EHBP1: variants seen among roughly 807,000 people sequenced by gnomAD.
EHBP1 encodes the protein EH domain binding protein 1.
Under a neutral mutation model 144.0 loss-of-function variants are expected in EHBP1, and 55 were observed. The observed-to-expected ratio is 0.38, with a 90% CI of 0.31 to 0.48. The LOEUF is 0.48. EHBP1 is among the 20% of genes least tolerant of loss of function. The probability of loss-of-function intolerance (pLI) is 0.98; values close to 1 mark genes in which losing one functional copy is unlikely to be tolerated. For synonymous variants in EHBP1, 469 were observed against 472.7 expected (o/e 0.99, Z 0.10); for missense variants, 1,200 against 1,364.2 (o/e 0.88, Z 1.90).
chr2:62,975,736 A>G (rs2058679627), intron 14 of EHBP1, among the ~76,000 whole-genome samples: 1 of 152,026 alleles, frequency 6.6e-6, no homozygotes, highest in Non-Finnish European at 1.5e-5. Context: ...TTAAAAAGAA[A>G]AAAAAATTTT....
intron 14 of EHBP1, among the ~76,000 whole-genome samples, chr2:62,967,039 A>G (rs1230533280): frequency 6.6e-6 from 1 of 152,212 alleles, no homozygotes; most frequent in Non-Finnish European, 1.5e-5. Flanking sequence ...ATGCAGAATC[A>G]TAATTATGCC....
chr2:62,780,619 G>C (rs181435916), intron 5 of EHBP1, among the ~76,000 whole-genome samples: 1 of 152,028 alleles, frequency 6.6e-6, no homozygotes. Flanking sequence ...AGAAACTTTT[G>C]TTGCACTTAA....
At chr2:62,719,881 C>T (rs2151917271) in intron 2 of EHBP1, among the ~76,000 whole-genome samples, 1 of 152,148 alleles carries the variant, frequency 6.6e-6, no homozygotes, top group East Asian at 1.9e-4. Flanking sequence ...ACCAATCCTC[C>T]ACTGATACTA....
chr2:62,691,835 T>C (rs1051335933), intron 1 of EHBP1, among the ~76,000 whole-genome samples: 1 of 152,230 alleles, frequency 6.6e-6, no homozygotes, highest in Admixed American at 6.5e-5. Context: ...ATATTCAGTT[T>C]TCTTGTGACT....
In EHBP1 at chr2:62,943,376, CAAAAAAAAAAAAAAA is replaced by C. The variant is rs11306610; in HGVS notation, c.1365-416_1365-402del. ...GGGCAACAAGAGCGAAACTCCGTCT[CAAAAAAAAAAAAAAA>C]AAAAAAAAATGGTTTTTCTCCTTAA... is the stretch of plus-strand genomic sequence containing the variant. On this transcript the variant is annotated intron_variant, in intron 11 of 22. Transcript: ENST00000431489. Among the ~76,000 whole-genome samples the C allele has an allele frequency of 1.0e-4, 9 of 87,848 alleles. No individual in the cohort carries two copies. In the South Asian group the frequency reaches 4.1e-3, roughly 40 times the overall value. The allele number at this position is 87,848 out of a possible 152,430, so 57.6% of individuals were successfully genotyped here. A position where few individuals can be genotyped will look rare whatever the true frequency, so the allele number is the denominator to read the frequency against.
chr2:62,974,198 T>C (rs1433037658), intron 14 of EHBP1, among the ~76,000 whole-genome samples: 2 of 152,076 alleles, frequency 1.3e-5, no homozygotes, highest in African/African-American at 4.8e-5. Flanking sequence ...CAATATACAC[T>C]TCAGGAAGCA....
intron 2 of EHBP1, among the ~76,000 whole-genome samples, chr2:62,745,743 G>A (rs1034363235): frequency 2.0e-5 from 3 of 152,024 alleles, no homozygotes; most frequent in Non-Finnish European, 4.4e-5. Flanking sequence ...AGCTGGTCAG[G>A]TGTGAAGCAG....
intron 5 of EHBP1, among the ~76,000 whole-genome samples, chr2:62,808,776 A>G (rs1300976982): frequency 6.6e-6 from 1 of 152,162 alleles, no homozygotes; most frequent in Non-Finnish European, 1.5e-5. Context: ...GGAGGGAAGC[A>G]TTCTGTATTC....
At chr2:62,751,310 A>G (rs2039693524) in intron 3 of EHBP1, among the ~76,000 whole-genome samples, 1 of 152,236 alleles carries the variant, frequency 6.6e-6, no homozygotes. Flanking sequence ...ATGTTGAAAC[A>G]GCCTTGCATT....
intron 4 of EHBP1, among the ~76,000 whole-genome samples, chr2:62,770,797 T>C (rs940382060): frequency 3.3e-5 from 5 of 152,238 alleles, no homozygotes; most frequent in Non-Finnish European, 5.9e-5. Context: ...ATGTTGTATA[T>C]GTATACAGTG....
intron 2 of EHBP1, among the ~76,000 whole-genome samples, chr2:62,736,119 C>G (rs972476303): frequency 6.7e-6 from 1 of 150,236 alleles, no homozygotes; most frequent in African/African-American, 2.4e-5. Flanking sequence ...TTTCTTTTTC[C>G]TCTGCTTCTG....
At chr2:62,925,204 C>A (rs1182718021) in intron 10 of EHBP1, among the ~76,000 whole-genome samples, 3 of 151,982 alleles carry the variant, frequency 2.0e-5, no homozygotes, top group African/African-American at 4.8e-5. Flanking sequence ...AAGGTTAATA[C>A]CTAAATATAT....
chr2:62,830,193 C>T (rs561114966), intron 6 of EHBP1, among the ~76,000 whole-genome samples: 1 of 106,522 alleles, frequency 9.4e-6, no homozygotes, highest in Non-Finnish European at 2.0e-5. Context: ...CACACACACA[C>T]ACATATATAT....
intron 21 of EHBP1, chr2:63,044,369 C>G (rs2061838529): frequency 6.6e-6 from 1 of 151,236 alleles, no homozygotes; most frequent in East Asian, 1.9e-4. Context: ...TTTTCCTTTG[C>G]AAAAGTGCTT....
intron 2 of EHBP1, among the ~76,000 whole-genome samples, chr2:62,721,747 T>C (rs1337029407): frequency 2.0e-5 from 3 of 152,220 alleles, no homozygotes; most frequent in Non-Finnish European, 2.9e-5. Flanking sequence ...TTGTCCTTTA[T>C]TCCTCATTTA....
intron 15 of EHBP1, 91 bp downstream of exon 15, chr2:62,979,426 C>A: frequency 7.3e-7 from 1 of 1,375,778 alleles, no homozygotes; most frequent in Non-Finnish European, 9.8e-7. Flanking sequence ...CAAAATGTTG[C>A]TTCAAAAATA....
At chr2:62,978,490 C>T (rs544534030) in intron 14 of EHBP1, among the ~76,000 whole-genome samples, 136 of 152,180 alleles carry the variant, frequency 8.9e-4, no homozygotes, top group African/African-American at 3.1e-3. Context: ...TGTGAGCCAC[C>T]GTGCCCAGCC....
intron 12 of EHBP1, 22 bp from the exon 13 acceptor site, chr2:62,948,236 CTT>C (rs2057178178): frequency 6.6e-7 from 1 of 1,518,272 alleles, no homozygotes. Context: ...TTCAATATAT[CTT>C]TTGTTTTTCC....
At chr2:62,770,992 G>A (rs2152357711) in intron 4 of EHBP1, among the ~76,000 whole-genome samples, 1 of 152,218 alleles carries the variant, frequency 6.6e-6, no homozygotes, top group African/African-American at 2.4e-5. Flanking sequence ...AACAGACACT[G>A]CGGCCTATGG....
Sources: allele counts gnomAD v4.1 joint callset (sites outside exome capture counted in the v4.1 genomes callset), GRCh38; gene constraint gnomAD v4.1.1; transcripts MANE v1.5; gene names NCBI Gene and HGNC (gene_info 2026-07-23, HGNC 2026-07-21).